ASCC2: variants seen among roughly 807,000 people sequenced by gnomAD.
The protein encoded by ASCC2 is activating signal cointegrator 1 complex subunit 2.
Under a neutral mutation model 93.5 loss-of-function variants are expected in ASCC2, and 42 were observed. The ratio of observed to expected loss-of-function variants is 0.45; its 90% confidence interval spans 0.35 to 0.58. The LOEUF (loss-of-function observed/expected upper bound fraction) is 0.58. ASCC2 is among the 20% of genes least tolerant of loss of function. The pLI, the probability that ASCC2 is intolerant of heterozygous loss-of-function variation, is 0.00. For missense variants in ASCC2, 859 were observed against 977.6 expected (o/e 0.88, Z 1.62); for synonymous variants, 364 against 384.2 (o/e 0.95, Z 0.62).
At chr22:29,823,252 T>A (rs897701074) in intron 4 of ASCC2, among the ~76,000 whole-genome samples, 9 of 152,058 alleles carry the variant, frequency 5.9e-5, no homozygotes, top group African/African-American at 2.2e-4. Context: ...TTGGCCACGC[T>A]GGTCTCGAAC....
chr22:29,821,192 C>A (rs2061516075), intron 5 of ASCC2, among the ~76,000 whole-genome samples: 1 of 152,006 alleles, frequency 6.6e-6, no homozygotes, highest in Non-Finnish European at 1.5e-5. Flanking sequence ...TAAAGAGGAA[C>A]CTCTAAAAAA....
At chr22:29,817,231 G>A (rs532665142) in intron 5 of ASCC2, among the ~76,000 whole-genome samples, 1 of 152,156 alleles carries the variant, frequency 6.6e-6, no homozygotes, top group African/African-American at 2.4e-5. Flanking sequence ...CTGTGAAGGT[G>A]TGCCCAGACC....
intron 4 of ASCC2, among the ~76,000 whole-genome samples, chr22:29,824,021 T>C (rs2061950813): frequency 6.6e-6 from 1 of 151,998 alleles, no homozygotes; most frequent in Non-Finnish European, 1.5e-5. Flanking sequence ...CAAGATGCCC[T>C]CTCTCCAAAA....
intron 9 of ASCC2, among the ~76,000 whole-genome samples, chr22:29,807,505 C>T (rs2059814187): frequency 6.6e-6 from 1 of 152,104 alleles, no homozygotes; most frequent in Admixed American, 6.6e-5. Context: ...ATGCAGGGCC[C>T]AGCCATCATG....
rs569578440 is a variant in ASCC2 at position 29,822,080 on chromosome 22, A to G, written c.541+255T>C. 1.3e-4 allele frequency: 56 copies of G among 443,392 alleles called. 1 individual carries two copies. The East Asian group carries it at 2.2e-3, about 18-fold the overall frequency. The allele number at this position is 443,392 out of a possible 1,614,324, so 27.5% of individuals were successfully genotyped here. ...TCCCAGGTTCAAGTGATTCTCCTGAAAAAAAACAAAAACAAAAAATTTCCA... is the reference window on the plus strand; with the variant it reads ...TCCCAGGTTCAAGTGATTCTCCTGAGAAAAAACAAAAACAAAAAATTTCCA... On this transcript the variant is annotated intron_variant, in intron 5 of 19. Transcript: ENST00000307790.
At chr22:29,797,744 C>A (rs1293332690) in intron 15 of ASCC2, among the ~76,000 whole-genome samples, 2 of 152,340 alleles carry the variant, frequency 1.3e-5, no homozygotes, top group East Asian at 3.9e-4. Context: ...ACCAAGGGCA[C>A]AGACACTTAA....
intron 14 of ASCC2, 119 bp downstream of exon 14, chr22:29,801,875 T>C (rs1345564895): frequency 6.7e-6 from 6 of 889,130 alleles, no homozygotes; most frequent in Admixed American, 2.6e-5. Flanking sequence ...TTAGTTTAAA[T>C]GGCTGGGAAG....
chr22:29,834,321 G>C, intron 1 of ASCC2: 1 of 356,126 alleles, frequency 2.8e-6, no homozygotes, highest in Non-Finnish European at 5.7e-6. Flanking sequence ...ATAGAGACTG[G>C]CCAGGGAAGA....
chr22:29,836,263 GACAGGACC>G (rs1393893179), intron 1 of ASCC2, among the ~76,000 whole-genome samples: 1 of 150,514 alleles, frequency 6.6e-6, no homozygotes, highest in Non-Finnish European at 1.5e-5. Context: ...GGATAGGGAA[GACAGGACC>G]AGTTTAAAAA....
rs189156082 is a variant in ASCC2 at position 29,790,686 on chromosome 22, C to T, written c.2023-138G>A. The T allele has an allele frequency of 1.7e-4, 144 of 864,564 alleles. No individual in the cohort carries two copies. The East Asian group carries it at 2.5e-3, about 15-fold the overall frequency. The allele number at this position is 864,564 out of a possible 1,614,324, so 53.6% of individuals were successfully genotyped here. On this transcript the variant is annotated intron_variant, in intron 18 of 19. Coordinates refer to ENST00000307790, the MANE Select transcript of ASCC2 (RefSeq NM_032204.5). Reference sequence around the variant, plus strand: ...GGGAAGCTGCAGCCTGGCAGAGCGACGCCCAGGAATGGAGTGGGATTACTG... The same window carrying T: ...GGGAAGCTGCAGCCTGGCAGAGCGATGCCCAGGAATGGAGTGGGATTACTG...
intron 8 of ASCC2, among the ~76,000 whole-genome samples, chr22:29,813,051 T>C: frequency 6.6e-6 from 1 of 152,126 alleles, no homozygotes; most frequent in Admixed American, 6.5e-5. Context: ...CCAGTAATTT[T>C]TGTATTTTTA....
intron 17 of ASCC2, among the ~76,000 whole-genome samples, chr22:29,792,888 G>GT (rs2057942742): frequency 6.6e-6 from 1 of 152,162 alleles, no homozygotes; most frequent in Admixed American, 6.5e-5. Flanking sequence ...GCTCACGCCT[G>GT]TAATACCCAC....
intron 1 of ASCC2, among the ~76,000 whole-genome samples, chr22:29,833,886 T>C (rs946864285): frequency 8.6e-5 from 13 of 151,464 alleles, no homozygotes; most frequent in South Asian, 4.2e-4. Context: ...TTTCTTTTTT[T>C]TTTTTTTTTA....
At chr22:29,811,164 T>C (rs1172011123) in intron 8 of ASCC2, among the ~76,000 whole-genome samples, 1 of 152,248 alleles carries the variant, frequency 6.6e-6, no homozygotes, top group African/African-American at 2.4e-5. Flanking sequence ...AATGCACTGA[T>C]GTGGCACCAC....
Position 29,806,289 on chromosome 22 carries a change from A to C in ASCC2, c.1087T>G (p.Phe363Val). The C allele has an allele frequency of 6.2e-7, 1 of 1,614,092 alleles. No homozygotes were observed. Among genetic ancestry groups the C allele is most frequent in the Non-Finnish European group, 8.5e-7 (1 of 1,179,988 alleles). ...IFSSLLQEKR[F>V]LRDYDALFPV... Reference sequence around the variant, plus strand: ...AAGAGTGCATCATAGTCCCGGAGGAACCTGCAGGCAGATGAGAGCAGATGG... The same window carrying C: ...AAGAGTGCATCATAGTCCCGGAGGACCCTGCAGGCAGATGAGAGCAGATGG... The change falls in exon 12 of 20, where the codon TTC (phenylalanine) becomes GTC (valine). Residue 363 changes from phenylalanine to valine, a missense_variant and splice_region_variant. Transcript: ENST00000307790.
At chr22:29,793,240 A>G in intron 17 of ASCC2, 120 bp downstream of exon 17, 1 of 1,383,888 alleles carries the variant, frequency 7.2e-7, no homozygotes, top group East Asian at 2.3e-5. Flanking sequence ...CTGGATTAGG[A>G]GTCAGGAGGA....
At chr22:29,789,688 G>T (rs1389769050) in intron 19 of ASCC2, among the ~76,000 whole-genome samples, 1 of 152,192 alleles carries the variant, frequency 6.6e-6, no homozygotes, top group Admixed American at 6.5e-5. Context: ...GAGAAGTCAG[G>T]GTTGCTCTGC....
At position 29,825,238 on chromosome 22, in the gene ASCC2, A is replaced by G; in HGVS notation, c.260T>C (p.Leu87Pro). The change falls in exon 4 of 20, where the codon CTA becomes CCA. Residue 87 changes from leucine to proline, a missense_variant. Transcript: ENST00000307790. This position sits in a 1 kb window ranked among gnomAD's most constrained non-coding sequence, Gnocchi z 4.9. The stretch of plus-strand genomic sequence containing the variant: ...CAGGTAGGAGTCCAGGCACTTCTGT[A>G]GAGTCTCGTCAAAGATCACCTAAAC... ...FWCQVIFDET[L>P]QKCLDSYLRY... 1 of 1,525,348 alleles carries G rather than the reference A, an allele frequency of 6.6e-7. No homozygotes were observed. The highest frequency in any genetic ancestry group is 8.8e-7 in the Non-Finnish European group (1 of 1,137,772). The allele number at this position is 1,525,348 out of a possible 1,614,324, so 94.5% of individuals were successfully genotyped here. A position where few individuals can be genotyped will look rare whatever the true frequency, so the allele number is the denominator to read the frequency against.
chr22:29,827,899 G>GACACACACAC lies in ASCC2; in HGVS notation c.82-2129_82-2120dup, dbSNP rs5844872. 2.5e-4 allele frequency among the ~76,000 whole-genome samples: 10 copies of GACACACACAC among 40,000 alleles called. 2 individuals are homozygous for GACACACACAC. The highest frequency in any genetic ancestry group is 1.1e-3 in the African/African-American group (10 of 9,008). 26.2% of individuals were successfully genotyped at this position (40,000 alleles called of 152,430 possible). On this transcript the variant is annotated intron_variant, in intron 2 of 19. Coordinates refer to ENST00000307790, the MANE Select transcript of ASCC2 (RefSeq NM_032204.5). ...CACACACCAGGCTACTCATTCTTCT[G>GACACACACAC]ACACACACACACACACACACACACA... is the stretch of plus-strand genomic sequence containing the variant.
Sources: gnomAD v4.1 joint callset for allele counts (sites outside exome capture counted in the v4.1 genomes callset) on GRCh38, gnomAD v4.1.1 for gene constraint, Gnocchi (gnomAD v3.1) non-coding constraint, MANE v1.5 for transcripts, NCBI Gene and HGNC (gene_info 2026-07-23, HGNC 2026-07-21) for gene names.